ATG10: variants seen among roughly 807,000 people sequenced by gnomAD.
ATG10 encodes the protein autophagy related 10, also known as ubiquitin-like-conjugating enzyme ATG10.
ATG10 carries 30 observed loss-of-function variants against 32.1 expected under a neutral mutation model. The observed-to-expected ratio is 0.94, with a 90% CI of 0.70 to 1.27. The LOEUF is 1.27. Among genes scored for constraint, ATG10 ranks in the 50% most tolerant of loss-of-function variants. The pLI is 0.00. For missense variants in ATG10, 233 were observed against 262.3 expected (o/e 0.89, Z 0.77); for synonymous variants, 87 against 91.5 (o/e 0.95, Z 0.28).
At chr5:82,004,528 A>G (rs1431212925) in intron 2 of ATG10, among the ~76,000 whole-genome samples, 8 of 152,218 alleles carry the variant, frequency 5.3e-5, no homozygotes, top group Non-Finnish European at 1.2e-4. Context: ...CAAAAAGTCA[A>G]TGTTAGGATA....
At chr5:82,235,531 A>G (rs1443120431) in intron 5 of ATG10, among the ~76,000 whole-genome samples, 1 of 152,130 alleles carries the variant, frequency 6.6e-6, no homozygotes, top group Non-Finnish European at 1.5e-5. Context: ...TGTTTTTTCC[A>G]TTGACATGGA....
rs562773390 is a variant in ATG10 at position 81,983,487 on chromosome 5, C to T, written c.-12-4072C>T. Among the ~76,000 whole-genome samples, 26 of 140,414 alleles carry T rather than the reference C, an allele frequency of 1.9e-4. No individual in the cohort carries two copies. The South Asian group carries it at 5.4e-3, about 29-fold the overall frequency. The allele number at this position is 140,414 out of a possible 152,430, so 92.1% of individuals were successfully genotyped here. A position where few individuals can be genotyped will look rare whatever the true frequency, so the allele number is the denominator to read the frequency against. ...TGACCCCCCCCACCTCCCTCCCGGA[C>T]GGGGCAGCTGGCCGGGCGGGGGGCT... On this transcript the variant is annotated intron_variant, in intron 1 of 7. Transcript: ENST00000282185.
At chr5:82,028,409 G>A (rs1762652492) in intron 2 of ATG10, among the ~76,000 whole-genome samples, 1 of 152,136 alleles carries the variant, frequency 6.6e-6, no homozygotes, top group Admixed American at 6.5e-5. Context: ...ATAAAGTATG[G>A]AACCAGGCTT....
At chr5:81,975,518 A>G (rs1255651947) in intron 1 of ATG10, among the ~76,000 whole-genome samples, 1 of 152,026 alleles carries the variant, frequency 6.6e-6, no homozygotes, top group Non-Finnish European at 1.5e-5. Context: ...CTGTCTCTAC[A>G]AAAAATACAA....
At chr5:82,086,763 G>T (rs981898318) in intron 3 of ATG10, among the ~76,000 whole-genome samples, 1 of 152,146 alleles carries the variant, frequency 6.6e-6, no homozygotes, top group African/African-American at 2.4e-5. Flanking sequence ...GTAGAAGTGG[G>T]GGAGAGAATG....
At chr5:82,015,232 C>T (rs899153331) in intron 2 of ATG10, among the ~76,000 whole-genome samples, 2 of 152,166 alleles carry the variant, frequency 1.3e-5, no homozygotes, top group African/African-American at 2.4e-5. Context: ...GTGGGTAACC[C>T]GACCTTTCTG....
At chr5:82,118,388 A>ATG (rs1765906079) in intron 3 of ATG10, among the ~76,000 whole-genome samples, 1 of 17,542 alleles carries the variant, frequency 5.7e-5, no homozygotes, top group Non-Finnish European at 1.0e-4. Context: ...ATATATGTAC[A>ATG]TATATATATA....
At chr5:81,991,017 G>A (rs2149671683) in intron 2 of ATG10, among the ~76,000 whole-genome samples, 1 of 152,374 alleles carries the variant, frequency 6.6e-6, no homozygotes, top group East Asian at 1.9e-4. Flanking sequence ...GGGATTGGGT[G>A]TCTGTCTGGT....
chr5:82,083,791 A>G (rs1016467131), intron 3 of ATG10, among the ~76,000 whole-genome samples: 2 of 152,374 alleles, frequency 1.3e-5, no homozygotes, highest in East Asian at 1.9e-4. Context: ...ATGAACAAAC[A>G]GAAAGGACAT....
At chr5:82,227,827 T>C (rs1746194164) in intron 5 of ATG10, among the ~76,000 whole-genome samples, 1 of 152,208 alleles carries the variant, frequency 6.6e-6, no homozygotes, top group Non-Finnish European at 1.5e-5. Flanking sequence ...AGTTTCTACA[T>C]CTATAAAATG....
chr5:82,101,324 C>T (rs939187127), intron 3 of ATG10, among the ~76,000 whole-genome samples: 2 of 152,142 alleles, frequency 1.3e-5, no homozygotes, highest in East Asian at 3.8e-4. Context: ...CATCCTTTTT[C>T]CAGACAGCAG....
intron 5 of ATG10, among the ~76,000 whole-genome samples, chr5:82,200,735 T>A (rs1213227106): frequency 6.6e-6 from 1 of 151,448 alleles, no homozygotes; most frequent in African/African-American, 2.4e-5. Context: ...ATTCCAGATA[T>A]AAGTCCTTTG....
intron 3 of ATG10, among the ~76,000 whole-genome samples, chr5:82,079,175 C>CAATT (rs1176021104): frequency 7.2e-5 from 11 of 152,198 alleles, no homozygotes; most frequent in African/African-American, 2.2e-4. Flanking sequence ...TGGGCAAAGC[C>CAATT]AATTGTATTA....
At chr5:82,199,626 C>T (rs10066167) in intron 5 of ATG10, among the ~76,000 whole-genome samples, 81,253 of 152,030 alleles carry the variant, frequency 0.53, 23,413 homozygotes, top group East Asian at 0.9. Flanking sequence ...AAACTTGCTC[C>T]GGTTTATTCA....
chr5:82,068,548 G>A (rs894616203), intron 3 of ATG10, among the ~76,000 whole-genome samples: 1 of 150,522 alleles, frequency 6.6e-6, no homozygotes, highest in Admixed American at 6.6e-5. Flanking sequence ...AGAACTTAAA[G>A]TATATATATA....
At chr5:82,095,232 C>A (rs1407792398) in intron 3 of ATG10, among the ~76,000 whole-genome samples, 1 of 152,128 alleles carries the variant, frequency 6.6e-6, no homozygotes, top group Non-Finnish European at 1.5e-5. Flanking sequence ...GAAGCTGGAT[C>A]TGAGTCTGAG....
chr5:82,200,194 G>A (rs1423924958), intron 5 of ATG10, among the ~76,000 whole-genome samples: 2 of 151,852 alleles, frequency 1.3e-5, no homozygotes, highest in African/African-American at 2.4e-5. Context: ...TTTTTTTAAT[G>A]CCAGACTATT....
At chr5:82,120,824 T>C (rs1561308655) in intron 3 of ATG10, among the ~76,000 whole-genome samples, 1 of 152,120 alleles carries the variant, frequency 6.6e-6, no homozygotes, top group Non-Finnish European at 1.5e-5. Flanking sequence ...AGAGGAGACA[T>C]TAAAGTAATT....
rs569230979 is a variant in ATG10 at position 81,996,994 on chromosome 5, T to A, written c.108+9316T>A. On this transcript the variant is annotated intron_variant, in intron 2 of 7. Transcript: ENST00000282185. ...GTGCACATGAAGGCTGCCAGTCTCG[T>A]GTCTGCCAGCATCCCTCTGACACCA... Among the ~76,000 whole-genome samples, 8 of 152,338 alleles carry A rather than the reference T, an allele frequency of 5.3e-5. No homozygotes were observed. In the South Asian group the frequency reaches 1.7e-3, roughly 32 times the overall value.
Sources: allele counts gnomAD v4.1 joint callset (sites outside exome capture counted in the v4.1 genomes callset), GRCh38; gene constraint gnomAD v4.1.1; transcripts MANE v1.5; gene names NCBI Gene and HGNC (gene_info 2026-07-23, HGNC 2026-07-21).